The following FAT3 variants were observed in gnomAD, a reference collection of about 807,000 sequenced individuals.
The protein encoded by FAT3 is FAT atypical cadherin 3.
In FAT3, 95 loss-of-function variants were observed where a neutral mutation model predicts 310.2. The ratio of observed to expected loss-of-function variants is 0.31; its 90% CI spans 0.26 to 0.36. The LOEUF is 0.36. FAT3 is among the 10% of genes least tolerant of loss of function. The pLI is 1.00. For missense variants in FAT3, 5,408 were observed against 5,715.6 expected (o/e 0.95, Z 1.74); for synonymous variants, 2,314 against 2,192.9 (o/e 1.06, Z -1.54).
intron 21 of FAT3, among the ~76,000 whole-genome samples, chr11:92,860,712 C>T (rs1949099426): frequency 6.6e-6 from 1 of 152,116 alleles, no homozygotes; most frequent in Non-Finnish European, 1.5e-5. Context: ...GATTAGGTGG[C>T]CCAGGCTTTA....
chr11:92,365,904 G>A (rs955913104), intron 2 of FAT3, among the ~76,000 whole-genome samples: 1 of 152,324 alleles, frequency 6.6e-6, no homozygotes, highest in Non-Finnish European at 1.5e-5. Context: ...AGAAAGGTTA[G>A]TGTTTTGGAT....
chr11:92,806,308 C>A, intron 11 of FAT3, 54 bp from the exon 12 acceptor site: 1 of 1,439,470 alleles, frequency 6.9e-7, no homozygotes, highest in Non-Finnish European at 9.5e-7. Context: ...CTAAATATGG[C>A]AATTGCCCCC....
At position 92,470,736 on chromosome 11, in the gene FAT3, C is replaced by G. The variant is rs181075805; in HGVS notation, c.3293-53898C>G. Among the ~76,000 whole-genome samples the G allele has an allele frequency of 4.2e-3, 640 of 152,270 alleles. 14 individuals are homozygous for G. The highest frequency in any genetic ancestry group is 2.8e-3 in the Non-Finnish European group (190 of 68,022). On this transcript the variant is annotated intron_variant, in intron 2 of 27. Transcript: ENST00000525166. Reference sequence around the variant, plus strand: ...TCCTGCACACATGTACACACTGGTCCTATTTGTAGCTTTCAGTGCTACTTG... The same window carrying G: ...TCCTGCACACATGTACACACTGGTCGTATTTGTAGCTTTCAGTGCTACTTG...
intron 13 of FAT3, among the ~76,000 whole-genome samples, chr11:92,824,464 C>T (rs1948052690): frequency 6.6e-6 from 1 of 152,154 alleles, no homozygotes; most frequent in East Asian, 1.9e-4. Context: ...CAGTGTCTTT[C>T]TGAAGACAAA....
intron 2 of FAT3, among the ~76,000 whole-genome samples, chr11:92,393,632 C>CAAAGGT (rs1412889341): frequency 1.3e-5 from 2 of 152,186 alleles, no homozygotes; most frequent in Admixed American, 1.3e-4. Context: ...ATTTTTGAAA[C>CAAAGGT]AAAGGTATTA....
intron 1 of FAT3, among the ~76,000 whole-genome samples, chr11:92,232,668 A>G (rs573625378): frequency 3.4e-5 from 4 of 116,290 alleles, no homozygotes; most frequent in Admixed American, 2.3e-4. Context: ...TAACTGTGCA[A>G]CTGATTAGGA....
chr11:92,288,820 A>G (rs1294800513), intron 1 of FAT3, among the ~76,000 whole-genome samples: 3 of 152,200 alleles, frequency 2.0e-5, no homozygotes, highest in Non-Finnish European at 4.4e-5. Flanking sequence ...AGTATCATAA[A>G]TGAAACATTT....
intron 3 of FAT3, among the ~76,000 whole-genome samples, chr11:92,673,318 A>G (rs184549910): frequency 3.2e-4 from 48 of 152,354 alleles, no homozygotes; most frequent in African/African-American, 1.1e-3. Context: ...ATTATGTTCA[A>G]TTCAATAAAC....
In FAT3 at chr11:92,285,616, T is replaced by TATGAAATAGA. The variant is rs1212879469; in HGVS notation, c.-18+60442_-18+60443insATGAAATAGA. On this transcript the variant is annotated intron_variant, in intron 1 of 27. Coordinates refer to ENST00000525166, the MANE Select transcript of FAT3 (RefSeq NM_001367949.2). Reference sequence around the variant, plus strand: ...ATTTTGGGAAAGACACTTAGGTCTCTGTTTCTATGAAATAATCTTAACCAA... The same window carrying TATGAAATAGA: ...ATTTTGGGAAAGACACTTAGGTCTCTATGAAATAGAGTTTCTATGAAATAATCTTAACCAA... Among the ~76,000 whole-genome samples, 12 of 152,292 alleles carry TATGAAATAGA rather than the reference T, an allele frequency of 7.9e-5. 2 individuals are homozygous for TATGAAATAGA. The South Asian group carries it at 2.3e-3, about 29-fold the overall frequency.
intron 2 of FAT3, among the ~76,000 whole-genome samples, chr11:92,425,658 A>G (rs1442146675): frequency 1.3e-5 from 2 of 151,826 alleles, no homozygotes; most frequent in Non-Finnish European, 2.9e-5. Context: ...TTCCTGTGTT[A>G]GTTTGCCGAG....
Position 92,866,727 on chromosome 11 carries a change from C to T in FAT3, c.11659-14C>T, listed in dbSNP as rs750180634. ...GCATGTTGAAAAGTGCTGCACTGTT[C>T]CTTCCCCACGCAGATTGTGGATGGC... is the stretch of plus-strand genomic sequence containing the variant. On this transcript the variant is annotated splice_polypyrimidine_tract_variant and intron_variant, in intron 21 of 27. Transcript: ENST00000525166. 2 of 1,608,022 alleles carry T rather than the reference C, an allele frequency of 1.2e-6. No individual in the cohort carries two copies. The highest frequency in any genetic ancestry group is 8.5e-7 in the Non-Finnish European group (1 of 1,177,432).
chr11:92,747,621 T>C (rs1354812077), intron 4 of FAT3, among the ~76,000 whole-genome samples: 2 of 152,238 alleles, frequency 1.3e-5, no homozygotes, highest in African/African-American at 2.4e-5. Flanking sequence ...GTTTTTCTTT[T>C]CTATCGCATT....
chr11:92,541,778 G>T (rs575466959), intron 3 of FAT3, among the ~76,000 whole-genome samples: 1 of 152,160 alleles, frequency 6.6e-6, no homozygotes, highest in Admixed American at 6.5e-5. Context: ...TTTGATATGT[G>T]GGGGGAGAAA....
intron 4 of FAT3, among the ~76,000 whole-genome samples, chr11:92,705,578 ATGGTGGTGGTGTGATGTGGTGGTGTGATG>A (rs1944281831): frequency 4.3e-4 from 1 of 2,312 alleles, no homozygotes; most frequent in Non-Finnish European, 9.1e-4. Context: ...GGTGGTGGTG[ATGGTGGTGGTGTGATGTGGTGGTGTGATG>A]TGGTGGTGGT....
intron 2 of FAT3, among the ~76,000 whole-genome samples, chr11:92,437,421 C>T (rs1313361100): frequency 6.6e-6 from 1 of 152,166 alleles, no homozygotes; most frequent in Non-Finnish European, 1.5e-5. Context: ...CTTGGGCAAG[C>T]TATTTAACTT....
chr11:92,645,490 GAA>G (rs10655127), intron 3 of FAT3, among the ~76,000 whole-genome samples: 2 of 140,684 alleles, frequency 1.4e-5, no homozygotes, highest in African/African-American at 2.6e-5. Flanking sequence ...CTGCTTTTCA[GAA>G]AAAAAAAAAA....
At chr11:92,267,462 G>A (rs1945998226) in intron 1 of FAT3, among the ~76,000 whole-genome samples, 1 of 152,060 alleles carries the variant, frequency 6.6e-6, no homozygotes, top group African/African-American at 2.4e-5. Context: ...GTCTCCTTAG[G>A]AACCTGGAAA....
intron 1 of FAT3, among the ~76,000 whole-genome samples, chr11:92,245,277 T>C (rs1256385851): frequency 6.7e-6 from 1 of 148,532 alleles, no homozygotes; most frequent in African/African-American, 2.5e-5. Context: ...CACTCATAAG[T>C]GGGAGTTGAA....
At chr11:92,468,645 G>A (rs936210398) in intron 2 of FAT3, among the ~76,000 whole-genome samples, 6 of 152,156 alleles carry the variant, frequency 3.9e-5, no homozygotes, top group South Asian at 2.1e-4. Context: ...GTTCAACATG[G>A]CTGGGGAGGC....
Sources: gnomAD v4.1 joint callset for allele counts (sites outside exome capture counted in the v4.1 genomes callset) on GRCh38, gnomAD v4.1.1 for gene constraint, MANE v1.5 for transcripts, NCBI Gene and HGNC (gene_info 2026-07-23, HGNC 2026-07-21) for gene names.